The following MCC variants were observed in gnomAD, a reference collection of about 807,000 sequenced individuals.
MCC encodes MCC regulator of Wnt signaling pathway.
Under a neutral mutation model 116.2 loss-of-function variants are expected in MCC, and 90 were observed. That is an observed-to-expected ratio of 0.77 (90% CI 0.65 to 0.92). MCC has a LOEUF of 0.92. Ranked by LOEUF, MCC falls within the 40% of genes least tolerant of loss-of-function variation. The pLI is 0.00. For synonymous variants in MCC, 578 were observed against 510.5 expected, an observed-to-expected ratio of 1.13 and a Z score of -1.78; for missense variants, 1,516 against 1,312.2, an observed-to-expected ratio of 1.16 and a Z score of -2.40.
chr5:113,474,448 T>C (rs997003954), intron 1 of MCC, among the ~76,000 whole-genome samples: 1 of 152,164 alleles, frequency 6.6e-6, no homozygotes, highest in African/African-American at 2.4e-5. Flanking sequence ...CCTGGGACGC[T>C]GCAGTGAAAG....
chr5:113,277,323 G>T (rs958170584), intron 3 of MCC, among the ~76,000 whole-genome samples: 3 of 151,016 alleles, frequency 2.0e-5, no homozygotes, highest in African/African-American at 7.3e-5. Flanking sequence ...AGCCGAGATT[G>T]TGCCACTGCA....
intron 6 of MCC, 129 bp downstream of exon 6, chr5:113,122,555 T>C: frequency 3.0e-6 from 3 of 992,456 alleles, no homozygotes; most frequent in Non-Finnish European, 4.5e-6. Flanking sequence ...CTGAAATACA[T>C]GTGACTTCAT....
At chr5:113,104,120 C>T (rs1251930151) in intron 7 of MCC, 72 bp downstream of exon 7, 2 of 1,433,606 alleles carry the variant, frequency 1.4e-6, no homozygotes, top group African/African-American at 1.4e-5. Flanking sequence ...GAAAACTGCA[C>T]TTCAAGAGAA....
intron 3 of MCC, among the ~76,000 whole-genome samples, chr5:113,258,648 G>A (rs932948784): frequency 3.3e-5 from 5 of 152,192 alleles, no homozygotes; most frequent in African/African-American, 9.7e-5. Context: ...TGTCTTCTGC[G>A]AAAGCAGTCC....
intron 2 of MCC, among the ~76,000 whole-genome samples, chr5:113,353,426 TTTTA>T (rs1768331562): frequency 6.6e-6 from 1 of 152,208 alleles, no homozygotes; most frequent in Non-Finnish European, 1.5e-5. Flanking sequence ...TTTTATGTCA[TTTTA>T]TTTGTTTATG....
chr5:113,049,777 C>T (rs1038048201), intron 15 of MCC, among the ~76,000 whole-genome samples: 2 of 152,182 alleles, frequency 1.3e-5, no homozygotes, highest in Non-Finnish European at 2.9e-5. Context: ...TAATCACACC[C>T]ACGGCACCTC....
rs1554076901 is a variant in MCC, at chr5:113,333,844, T to TATATATGTACAC, written c.627+6674_627+6675insGTGTACATATAT. ...ACATATATGTATATATGTATATATG[T>TATATATGTACAC]ATATATGTACATATATGTATATATG... On this transcript the variant is annotated intron_variant, in intron 3 of 18. Transcript: ENST00000408903. 7.7e-5 allele frequency among the ~76,000 whole-genome samples: 4 copies of TATATATGTACAC among 52,178 alleles called. 1 individual carries two copies. The highest frequency in any genetic ancestry group is 1.9e-4 in the Non-Finnish European group (4 of 20,768). The allele number at this position is 52,178 out of a possible 152,430, so 34.2% of individuals were successfully genotyped here. A position where few individuals can be genotyped will look rare whatever the true frequency, so the allele number is the denominator to read the frequency against.
intron 1 of MCC, 48 bp downstream of exon 1, chr5:113,488,197 G>A: frequency 6.4e-7 from 1 of 1,568,082 alleles, no homozygotes; most frequent in Non-Finnish European, 8.6e-7. Context: ...AGGGCGCGCG[G>A]AGGGACTGAT....
intron 3 of MCC, among the ~76,000 whole-genome samples, chr5:113,163,289 T>C (rs558906867): frequency 1.2e-3 from 189 of 152,344 alleles, no homozygotes; most frequent in Middle Eastern, 0.01. Context: ...CTATTCATGA[T>C]AGAAAAATAA....
chr5:113,383,614 T>G (rs1320583446), intron 2 of MCC, among the ~76,000 whole-genome samples: 1 of 152,056 alleles, frequency 6.6e-6, no homozygotes, highest in African/African-American at 2.4e-5. Context: ...AGGATTAGTA[T>G]GATTTTTATT....
At chr5:113,130,934 T>G (rs371932638) in intron 5 of MCC, among the ~76,000 whole-genome samples, 171 of 152,334 alleles carry the variant, frequency 1.1e-3, no homozygotes, top group African/African-American at 3.9e-3. Flanking sequence ...CCCACTCTTC[T>G]GACTTCATCT....
At chr5:113,151,469 A>G in intron 3 of MCC, 47 bp from the exon 4 acceptor site, 1 of 1,061,982 alleles carries the variant, frequency 9.4e-7, no homozygotes, top group Non-Finnish European at 1.4e-6. Context: ...GCAGAGATGT[A>G]TTTCCTTCCC....
chr5:113,339,370 A>G (rs1198807413), intron 3 of MCC, among the ~76,000 whole-genome samples: 1 of 151,620 alleles, frequency 6.6e-6, no homozygotes, highest in East Asian at 1.9e-4. Flanking sequence ...TTGACACACT[A>G]TTATTAACTA....
chr5:113,275,344 A>G (rs1765782503), intron 3 of MCC, among the ~76,000 whole-genome samples: 1 of 152,226 alleles, frequency 6.6e-6, no homozygotes, highest in Non-Finnish European at 1.5e-5. Context: ...TTAACAGTAC[A>G]CTTGTAGTTA....
intron 11 of MCC, among the ~76,000 whole-genome samples, chr5:113,073,476 A>T (rs977469929): frequency 1.3e-5 from 2 of 152,226 alleles, no homozygotes; most frequent in African/African-American, 4.8e-5. Context: ...ACTTCGAATA[A>T]AGAGTAAAAT....
rs913352258 is a variant in MCC, at chr5:113,022,859, G to A, written c.*4443C>T. ...GTTTTACATAGCAGTTGCTATTTCC[G>A]GGACTGAATGATTTCTTCCTCTTGG... On this transcript the variant is annotated 3_prime_UTR_variant, in exon 19 of 19. Transcript: ENST00000408903. 1 of 152,166 alleles carries A rather than the reference G, an allele frequency of 6.6e-6. No individual in the cohort carries two copies. The highest frequency in any genetic ancestry group is 6.5e-5 in the Admixed American group (1 of 15,282). The allele number at this position is 152,166 out of a possible 1,614,324, so 9.4% of individuals were successfully genotyped here.
At chr5:113,135,984 G>T (rs1173188542) in intron 5 of MCC, among the ~76,000 whole-genome samples, 1 of 152,158 alleles carries the variant, frequency 6.6e-6, no homozygotes, top group Admixed American at 6.5e-5. Context: ...GGCAGAGGTT[G>T]CAGTGAGCCC....
chr5:113,221,119 A>G (rs1581270146), intron 3 of MCC, among the ~76,000 whole-genome samples: 1 of 152,296 alleles, frequency 6.6e-6, no homozygotes, highest in East Asian at 1.9e-4. Flanking sequence ...TGGGAGAATC[A>G]CCTGAGCTGG....
chr5:113,472,619 G>T (rs1430595627), intron 1 of MCC, among the ~76,000 whole-genome samples: 1 of 152,190 alleles, frequency 6.6e-6, no homozygotes, highest in African/African-American at 2.4e-5. Flanking sequence ...AAGTATGGAA[G>T]ATTTAGGAAG....
Sources: allele counts gnomAD v4.1 joint callset (sites outside exome capture counted in the v4.1 genomes callset), GRCh38; gene constraint gnomAD v4.1.1; transcripts MANE v1.5; gene names NCBI Gene and HGNC (gene_info 2026-07-23, HGNC 2026-07-21).